The following AMPH variants were observed in gnomAD, a reference collection of about 807,000 sequenced individuals.
AMPH encodes amphiphysin.
A neutral mutation model predicts 99.1 loss-of-function variants in AMPH; 49 were observed. The ratio of observed to expected loss-of-function variants is 0.49; its 90% confidence interval spans 0.39 to 0.63. The LOEUF (loss-of-function observed/expected upper bound fraction) is 0.63, where lower values mean the gene tolerates loss of function less well. Ranked by LOEUF, AMPH falls within the 20% of genes least tolerant of loss-of-function variation. The probability of loss-of-function intolerance (pLI) is 0.00; values close to 1 mark genes in which losing one functional copy is unlikely to be tolerated. For synonymous variants in AMPH, 314 were observed against 317.3 expected (o/e 0.99, Z 0.11); for missense variants, 759 against 863.4 (o/e 0.88, Z 1.52).
At chr7:38,609,195 C>G (rs1245185646) in intron 1 of AMPH, among the ~76,000 whole-genome samples, 1 of 152,110 alleles carries the variant, frequency 6.6e-6, no homozygotes, top group African/African-American at 2.4e-5. Flanking sequence ...TCAGAGCCAG[C>G]TAATAGTATC....
intron 13 of AMPH, among the ~76,000 whole-genome samples, chr7:38,431,676 A>G (rs1430649309): frequency 1.3e-5 from 2 of 150,554 alleles, no homozygotes; most frequent in African/African-American, 5.0e-5. Flanking sequence ...AAAAAAAAAA[A>G]GTAATTGCTC....
intron 1 of AMPH, among the ~76,000 whole-genome samples, chr7:38,584,077 T>TA (rs1562844284): frequency 1.3e-5 from 2 of 152,214 alleles, no homozygotes; most frequent in East Asian, 1.9e-4. Context: ...TTTCTTTTTT[T>TA]AAAAAAATAA....
chr7:38,441,810 C>CA (rs1786543135), intron 11 of AMPH, among the ~76,000 whole-genome samples: 1 of 69,660 alleles, frequency 1.4e-5, no homozygotes, highest in African/African-American at 5.1e-5. Context: ...ATATATATAT[C>CA]ATATATATCA....
intron 1 of AMPH, among the ~76,000 whole-genome samples, chr7:38,581,528 C>A (rs969460985): frequency 1.3e-5 from 2 of 152,042 alleles, no homozygotes; most frequent in African/African-American, 4.8e-5. Flanking sequence ...TTTTAAAGAA[C>A]CTTGGCTTTC....
At chr7:38,603,277 C>G (rs1793315905) in intron 1 of AMPH, among the ~76,000 whole-genome samples, 1 of 140,602 alleles carries the variant, frequency 7.1e-6, no homozygotes, top group Non-Finnish European at 1.5e-5. Context: ...GATCAAGCCA[C>G]TGCATTCCAG....
At chr7:38,611,629 T>C (rs1277732674) in intron 1 of AMPH, among the ~76,000 whole-genome samples, 1 of 152,206 alleles carries the variant, frequency 6.6e-6, no homozygotes, top group Non-Finnish European at 1.5e-5. Context: ...CAGTAGGAAA[T>C]ACCACTTTGG....
At chr7:38,451,191 C>T (rs1002484267) in intron 11 of AMPH, among the ~76,000 whole-genome samples, 1 of 151,702 alleles carries the variant, frequency 6.6e-6, no homozygotes, top group Non-Finnish European at 1.5e-5. Flanking sequence ...CCATGTCTGG[C>T]CCCAAAACAT....
At chr7:38,572,292 T>C (rs957094489) in intron 1 of AMPH, among the ~76,000 whole-genome samples, 1 of 152,110 alleles carries the variant, frequency 6.6e-6, no homozygotes, top group African/African-American at 2.4e-5. Flanking sequence ...TGTCCTACAG[T>C]TATCTACAGT....
chr7:38,538,050 T>A (rs564007056), intron 1 of AMPH, among the ~76,000 whole-genome samples: 12 of 152,296 alleles, frequency 7.9e-5, no homozygotes, highest in African/African-American at 2.6e-4. Context: ...AAAAGTGCAT[T>A]AAAAATTTGT....
At chr7:38,450,949 A>G (rs1461294312) in intron 11 of AMPH, among the ~76,000 whole-genome samples, 1 of 151,042 alleles carries the variant, frequency 6.6e-6, no homozygotes, top group Non-Finnish European at 1.5e-5. Context: ...GGAATGCAGT[A>G]CTGTGATCAT....
chr7:38,575,168 A>C (rs1249626562), intron 1 of AMPH, among the ~76,000 whole-genome samples: 1 of 152,018 alleles, frequency 6.6e-6, no homozygotes, highest in Non-Finnish European at 1.5e-5. Context: ...ACAAATACGT[A>C]CTTTCAACTC....
chr7:38,534,660 G>A (rs1266547210), intron 2 of AMPH, among the ~76,000 whole-genome samples: 1 of 152,132 alleles, frequency 6.6e-6, no homozygotes, highest in Admixed American at 6.5e-5. Context: ...TGGGCAATCT[G>A]AATGAGACCC....
At chr7:38,570,230 C>T (rs9639802) in intron 1 of AMPH, among the ~76,000 whole-genome samples, 119,675 of 152,056 alleles carry the variant, frequency 0.79, 47,424 homozygotes, top group Non-Finnish European at 0.82. Flanking sequence ...CCTATATTAG[C>T]AATGCAGACT....
At position 38,631,356 on chromosome 7, in the gene AMPH, G is replaced by A. The variant is rs1468296311; in HGVS notation, c.-5C>T. On this transcript the variant is annotated 5_prime_UTR_variant, in exon 1 of 21. Coordinates refer to ENST00000356264, the MANE Select transcript of AMPH (RefSeq NM_001635.4). ...GCCCGTCTTGATGTCGGCCATGGCTGCGGGTCCGGGGAGCTGCGAAGAGCA... is the reference window on the plus strand; with the variant it reads ...GCCCGTCTTGATGTCGGCCATGGCTACGGGTCCGGGGAGCTGCGAAGAGCA... 2 of 1,548,112 alleles carry A rather than the reference G, an allele frequency of 1.3e-6. No homozygotes were observed. The highest frequency in any genetic ancestry group is 2.4e-5 in the South Asian group (2 of 83,190).
At chr7:38,522,872 G>A (rs370902576) in intron 2 of AMPH, among the ~76,000 whole-genome samples, 1 of 152,268 alleles carries the variant, frequency 6.6e-6, no homozygotes, top group East Asian at 1.9e-4. Context: ...ATTTTGGGAG[G>A]CTGAGACAGG....
At chr7:38,408,721 A>G (rs1785127284) in intron 17 of AMPH, among the ~76,000 whole-genome samples, 1 of 142,920 alleles carries the variant, frequency 7.0e-6, no homozygotes, top group Non-Finnish European at 1.5e-5. Context: ...ACTGCACTTC[A>G]GCCTGGGTGA....
chr7:38,615,426 G>T (rs986903944), intron 1 of AMPH, among the ~76,000 whole-genome samples: 1 of 152,062 alleles, frequency 6.6e-6, no homozygotes, highest in Non-Finnish European at 1.5e-5. Flanking sequence ...AAACCTGGAA[G>T]CCCCAGCTCA....
At chr7:38,437,896 G>A (rs1009625009) in intron 11 of AMPH, among the ~76,000 whole-genome samples, 1 of 152,088 alleles carries the variant, frequency 6.6e-6, no homozygotes, top group African/African-American at 2.4e-5. Context: ...GCAGAAGAAA[G>A]CTGCTAATAT....
intron 11 of AMPH, among the ~76,000 whole-genome samples, chr7:38,437,872 T>C (rs1429743729): frequency 6.6e-6 from 1 of 152,114 alleles, no homozygotes; most frequent in African/African-American, 2.4e-5. Flanking sequence ...TTCCTTAGCA[T>C]ATCCGTACTC....
Sources: gnomAD v4.1 joint callset for allele counts (sites outside exome capture counted in the v4.1 genomes callset) on GRCh38, gnomAD v4.1.1 for gene constraint, MANE v1.5 for transcripts, NCBI Gene and HGNC (gene_info 2026-07-23, HGNC 2026-07-21) for gene names.